Variants in SLC24A2 observed in about 807,000 individuals in gnomAD.
SLC24A2 encodes sodium/potassium/calcium exchanger 2.
In SLC24A2, 36 loss-of-function variants were observed where a neutral mutation model predicts 62.0. The observed-to-expected ratio is 0.58, with a 90% confidence interval of 0.44 to 0.77. SLC24A2 has a LOEUF of 0.77. Ranked by LOEUF, SLC24A2 falls within the 30% of genes least tolerant of loss-of-function variation. The pLI, the probability that SLC24A2 is intolerant of heterozygous loss-of-function variation, is 0.00. For missense variants in SLC24A2, 846 were observed against 817.9 expected (o/e 1.03, Z -0.42); for synonymous variants, 358 against 294.0 (o/e 1.22, Z -2.23).
intron 2 of SLC24A2, among the ~76,000 whole-genome samples, chr9:19,686,263 G>A (rs986588778): frequency 7.9e-5 from 12 of 152,024 alleles, no homozygotes; most frequent in African/African-American, 2.7e-4. Flanking sequence ...AAAATAACAT[G>A]CTGGTGAGGT....
In SLC24A2 at chr9:19,738,294, C is replaced by T. The variant is rs191676603; in HGVS notation, c.930+47643G>A. Among the ~76,000 whole-genome samples, 171 of 152,270 alleles carry T rather than the reference C, an allele frequency of 1.1e-3. 1 individual carries two copies. The highest frequency in any genetic ancestry group is 1.5e-3 in the Non-Finnish European group (105 of 68,026). On this transcript the variant is annotated intron_variant, in intron 2 of 10. Transcript: ENST00000341998. ...CTTTCATGGCATCTGGATGTTGTTA[C>T]ATTTTGTTTCAAAACTGTAGGGCAA...
At chr9:20,086,866 G>A in the SLC24A2 span, among the ~76,000 whole-genome samples, 1 of 152,194 alleles carries the variant, frequency 6.6e-6, no homozygotes, top group Non-Finnish European at 1.5e-5. Context: ...GCAGTTATAT[G>A]CATGAGCCTT....
the SLC24A2 span, among the ~76,000 whole-genome samples, chr9:19,802,307 GT>G: frequency 6.6e-6 from 1 of 152,168 alleles, no homozygotes; most frequent in South Asian, 2.1e-4. Context: ...CATCTGAATA[GT>G]TTGGTTTTTA....
At chr9:20,245,507 A>G in the SLC24A2 span, among the ~76,000 whole-genome samples, 28 of 152,196 alleles carry the variant, frequency 1.8e-4, no homozygotes, top group African/African-American at 6.0e-4. Flanking sequence ...ATGGAATGGA[A>G]GTGTGGGTTT....
chr9:20,011,195 A>T, the SLC24A2 span, among the ~76,000 whole-genome samples: 1 of 152,172 alleles, frequency 6.6e-6, no homozygotes, highest in Non-Finnish European at 1.5e-5. Context: ...ACTGTCTTCC[A>T]CAATGGTTGG....
the SLC24A2 span, among the ~76,000 whole-genome samples, chr9:20,142,950 G>A: frequency 1.3e-5 from 2 of 152,102 alleles, no homozygotes; most frequent in East Asian, 3.9e-4. Flanking sequence ...TGGAGCCAGG[G>A]GCCATGCTCG....
At chr9:19,855,817 T>C in the SLC24A2 span, among the ~76,000 whole-genome samples, 2 of 152,248 alleles carry the variant, frequency 1.3e-5, no homozygotes, top group East Asian at 3.8e-4. Flanking sequence ...AATTCCTGAA[T>C]TTGAATGTTA....
chr9:19,870,318 A>G, the SLC24A2 span, among the ~76,000 whole-genome samples: 3 of 152,170 alleles, frequency 2.0e-5, no homozygotes, highest in African/African-American at 7.2e-5. Context: ...AATGTTTTCA[A>G]TGCTCATCCA....
chr9:19,900,273 C>T, the SLC24A2 span, among the ~76,000 whole-genome samples: 6 of 152,172 alleles, frequency 3.9e-5, no homozygotes, highest in African/African-American at 1.2e-4. Context: ...TACCCAAGAA[C>T]AAGTAACTGG....
At chr9:20,209,827 T>C in the SLC24A2 span, among the ~76,000 whole-genome samples, 1 of 152,182 alleles carries the variant, frequency 6.6e-6, no homozygotes. Flanking sequence ...ACATCAAGAT[T>C]GTGCTTGGTA....
At chr9:20,002,213 T>C in the SLC24A2 span, among the ~76,000 whole-genome samples, 2 of 152,068 alleles carry the variant, frequency 1.3e-5, no homozygotes, top group African/African-American at 4.8e-5. Flanking sequence ...AGCACTACCA[T>C]TTCACCCCAA....
the SLC24A2 span, among the ~76,000 whole-genome samples, chr9:19,889,563 T>C: frequency 6.6e-6 from 1 of 152,202 alleles, no homozygotes; most frequent in South Asian, 2.1e-4. Context: ...GGGTGAGGGA[T>C]GGGGTCCCCA....
At chr9:19,637,142 C>T (rs80093463) in intron 2 of SLC24A2, among the ~76,000 whole-genome samples, 6 of 152,306 alleles carry the variant, frequency 3.9e-5, no homozygotes, top group Non-Finnish European at 8.8e-5. Flanking sequence ...CAGTTGACAG[C>T]CTGGTGCCAC....
At chr9:19,915,183 T>C in the SLC24A2 span, among the ~76,000 whole-genome samples, 1 of 152,180 alleles carries the variant, frequency 6.6e-6, no homozygotes, top group Admixed American at 6.5e-5. Context: ...AGTTATATAA[T>C]ATGTGACCCT....
chr9:20,253,933 G>A, the SLC24A2 span, among the ~76,000 whole-genome samples: 81 of 152,250 alleles, frequency 5.3e-4, no homozygotes, highest in African/African-American at 1.5e-3. Context: ...ATGTGGCTTG[G>A]GGTTGGTAAA....
chr9:20,088,496 C>T, the SLC24A2 span, among the ~76,000 whole-genome samples: 8 of 152,258 alleles, frequency 5.3e-5, no homozygotes, highest in Non-Finnish European at 8.8e-5. Context: ...AAGAATTTCC[C>T]GGCCTAGGTC....
chr9:19,826,662 T>G, the SLC24A2 span, among the ~76,000 whole-genome samples: 2 of 152,030 alleles, frequency 1.3e-5, no homozygotes, highest in Non-Finnish European at 2.9e-5. Context: ...TCCGAAGGAG[T>G]GAACTCATCC....
the SLC24A2 span, among the ~76,000 whole-genome samples, chr9:20,099,441 C>T: frequency 6.6e-6 from 1 of 152,118 alleles, no homozygotes; most frequent in Non-Finnish European, 1.5e-5. Flanking sequence ...ACTGACTTTT[C>T]TCTTTGTTCA....
At chr9:19,543,301 C>T (rs201831809) in intron 8 of SLC24A2, among the ~76,000 whole-genome samples, 1 of 151,820 alleles carries the variant, frequency 6.6e-6, no homozygotes, top group Non-Finnish European at 1.5e-5. Flanking sequence ...TTATTGCATC[C>T]ATTTGATTCT....
Sources: allele counts gnomAD v4.1 joint callset (sites outside exome capture counted in the v4.1 genomes callset), GRCh38; gene constraint gnomAD v4.1.1; transcripts MANE v1.5; gene names NCBI Gene and HGNC (gene_info 2026-07-23, HGNC 2026-07-21).